Variants in PRKCB observed in about 807,000 individuals in gnomAD.
PRKCB encodes protein kinase C beta.
In PRKCB, 13 loss-of-function variants were observed where a neutral mutation model predicts 81.5. That is an observed-to-expected ratio of 0.16 (90% confidence interval 0.10 to 0.25). PRKCB has a LOEUF of 0.25. PRKCB is among the 10% of genes least tolerant of loss of function. The pLI is 1.00. For missense variants in PRKCB, 509 were observed against 875.7 expected, an observed-to-expected ratio of 0.58 and a Z score of 5.29; for synonymous variants, 335 against 321.4, an observed-to-expected ratio of 1.04 and a Z score of -0.45.
chr16:24,078,772 G>C (rs1210058310), intron 5 of PRKCB, among the ~76,000 whole-genome samples: 1 of 152,190 alleles, frequency 6.6e-6, no homozygotes. Flanking sequence ...TAGACTTGTG[G>C]GGTTGTGGTT....
intron 10 of PRKCB, among the ~76,000 whole-genome samples, chr16:24,164,038 G>T (rs1176610300): frequency 1.3e-5 from 2 of 152,348 alleles, no homozygotes; most frequent in African/African-American, 4.8e-5. Flanking sequence ...AATCATTAAA[G>T]ATCATTAAAT....
At chr16:24,204,948 C>T (rs1469429860) in intron 16 of PRKCB, among the ~76,000 whole-genome samples, 5 of 151,776 alleles carry the variant, frequency 3.3e-5, no homozygotes, top group South Asian at 4.2e-4. Flanking sequence ...AGTGAAACCC[C>T]GTCTCTACTA....
intron 2 of PRKCB, among the ~76,000 whole-genome samples, chr16:23,872,328 G>A (rs1247683988): frequency 6.6e-6 from 1 of 152,118 alleles, no homozygotes; most frequent in Non-Finnish European, 1.5e-5. Context: ...TGTCAGTCTG[G>A]GCAACATAGC....
intron 3 of PRKCB, among the ~76,000 whole-genome samples, chr16:24,003,848 G>A (rs184488325): frequency 1.0e-3 from 153 of 152,214 alleles, no homozygotes; most frequent in South Asian, 2.1e-3. Context: ...ACTTTGATGC[G>A]CTGATGAAAG....
intron 2 of PRKCB, among the ~76,000 whole-genome samples, chr16:23,986,742 A>T (rs1964808984): frequency 6.6e-6 from 1 of 152,134 alleles, no homozygotes; most frequent in Non-Finnish European, 1.5e-5. Flanking sequence ...TCCTCTGTTG[A>T]AAACTTTTCA....
intron 7 of PRKCB, among the ~76,000 whole-genome samples, chr16:24,110,362 C>G (rs1199040260): frequency 6.6e-6 from 1 of 151,878 alleles, no homozygotes; most frequent in East Asian, 1.9e-4. Flanking sequence ...CGGGCGCGTG[C>G]CACCATGCCC....
At chr16:23,954,924 G>C (rs752122779) in intron 2 of PRKCB, among the ~76,000 whole-genome samples, 1 of 152,256 alleles carries the variant, frequency 6.6e-6, no homozygotes. Context: ...TTACACATAT[G>C]CAGGTGTGTA....
intron 2 of PRKCB, among the ~76,000 whole-genome samples, chr16:23,865,523 G>A (rs867893502): frequency 0.12 from 288 of 2,328 alleles, no homozygotes; most frequent in South Asian, 0.22. Context: ...ATATATGTGT[G>A]TGTGTGTGTG....
In PRKCB at chr16:24,198,677, T is replaced by A. The variant is rs183683524; in HGVS notation, c.1863+7447T>A. Among the ~76,000 whole-genome samples the A allele has an allele frequency of 3.0e-4, 45 of 152,282 alleles. No homozygotes were observed. The East Asian group carries it at 8.1e-3, about 27-fold the overall frequency. ...AAGCGCTAAAGTGTGTGTACAATGA[T>A]CTGCCCAGTAGTAAACATGGCTCTA... is the stretch of plus-strand genomic sequence containing the variant. On this transcript the variant is annotated intron_variant, in intron 16 of 16. Coordinates refer to ENST00000643927, the MANE Select transcript of PRKCB (RefSeq NM_002738.7).
chr16:23,933,931 C>T (rs28367090), intron 2 of PRKCB, among the ~76,000 whole-genome samples: 35 of 1,096 alleles, frequency 0.032, no homozygotes, highest in South Asian at 0.071. Context: ...TTCCATTCAT[C>T]CATCCATCCA....
At chr16:24,115,269 TAGCATTTATCCCAAG>T (rs374131402) in intron 8 of PRKCB, among the ~76,000 whole-genome samples, 1,397 of 121,022 alleles carry the variant, frequency 0.012, 75 homozygotes, top group African/African-American at 0.035. Flanking sequence ...CCAAGGATTT[TAGCATTTATCCCAAG>T]AGCATTTATC....
chr16:24,132,009 C>T (rs1026346013), intron 9 of PRKCB, among the ~76,000 whole-genome samples: 16 of 152,164 alleles, frequency 1.1e-4, no homozygotes, highest in African/African-American at 3.4e-4. Context: ...AAGGAATATG[C>T]GCAACACTGC....
At chr16:23,960,694 A>T (rs1357106681) in intron 2 of PRKCB, among the ~76,000 whole-genome samples, 1 of 152,124 alleles carries the variant, frequency 6.6e-6, no homozygotes, top group Non-Finnish European at 1.5e-5. Flanking sequence ...TGTTCTCATT[A>T]TTCAGCGCCC....
At chr16:23,851,579 C>T (rs1344540182) in intron 2 of PRKCB, among the ~76,000 whole-genome samples, 1 of 152,030 alleles carries the variant, frequency 6.6e-6, no homozygotes, top group African/African-American at 2.4e-5. Flanking sequence ...CTTTTGTGGT[C>T]CCATATGAAC....
At chr16:23,930,206 G>A (rs1316896589) in intron 2 of PRKCB, among the ~76,000 whole-genome samples, 1 of 152,046 alleles carries the variant, frequency 6.6e-6, no homozygotes, top group East Asian at 1.9e-4. Flanking sequence ...ATGCCCCAAG[G>A]CAGCCACACT....
At chr16:24,138,134 C>G (rs1372077532) in intron 9 of PRKCB, among the ~76,000 whole-genome samples, 1 of 152,146 alleles carries the variant, frequency 6.6e-6, no homozygotes, top group East Asian at 1.9e-4. Context: ...AGCTTGCAGT[C>G]CTGAAGCGGT....
At chr16:23,916,328 G>A (rs553895383) in intron 2 of PRKCB, among the ~76,000 whole-genome samples, 1 of 150,602 alleles carries the variant, frequency 6.6e-6, no homozygotes, top group South Asian at 2.1e-4. Flanking sequence ...CTTCCAAAGT[G>A]CTGGGATTAC....
At chr16:23,918,587 G>A (rs1963779367) in intron 2 of PRKCB, among the ~76,000 whole-genome samples, 1 of 151,966 alleles carries the variant, frequency 6.6e-6, no homozygotes, top group Non-Finnish European at 1.5e-5. Flanking sequence ...AGTAGAGGTG[G>A]GGTCTTGCCA....
chr16:23,998,196 C>T (rs1289399847), intron 3 of PRKCB, among the ~76,000 whole-genome samples: 1 of 152,172 alleles, frequency 6.6e-6, no homozygotes, highest in Non-Finnish European at 1.5e-5. Flanking sequence ...GTCCTTCAGA[C>T]GTGGACCAGG....
Sources: allele counts gnomAD v4.1 joint callset (sites outside exome capture counted in the v4.1 genomes callset), GRCh38; gene constraint gnomAD v4.1.1; transcripts MANE v1.5; gene names NCBI Gene and HGNC (gene_info 2026-07-23, HGNC 2026-07-21).